Variants in INPP4B observed in about 807,000 individuals in gnomAD.
INPP4B encodes inositol polyphosphate 4-phosphatase type II.
A neutral mutation model predicts 122.5 loss-of-function variants in INPP4B; 55 were observed. The ratio of observed to expected loss-of-function variants is 0.45; its 90% CI spans 0.36 to 0.56. The LOEUF (loss-of-function observed/expected upper bound fraction) is 0.56. Ranked by LOEUF, INPP4B falls within the 20% of genes least tolerant of loss-of-function variation. The probability of loss-of-function intolerance (pLI) is 0.00; values close to 1 mark genes in which losing one functional copy is unlikely to be tolerated. For synonymous variants in INPP4B, 403 were observed against 388.7 expected (o/e 1.04, Z -0.43); for missense variants, 1,000 against 1,097.7 (o/e 0.91, Z 1.26).
At chr4:142,667,719 G>A (rs1455098037) in intron 2 of INPP4B, among the ~76,000 whole-genome samples, 1 of 152,154 alleles carries the variant, frequency 6.6e-6, no homozygotes, top group African/African-American at 2.4e-5. Flanking sequence ...AGGCTATTGA[G>A]ATAATGAAGA....
intron 18 of INPP4B, among the ~76,000 whole-genome samples, chr4:142,143,759 T>C (rs1293268559): frequency 6.6e-6 from 1 of 152,094 alleles, no homozygotes; most frequent in African/African-American, 2.4e-5. Flanking sequence ...AAGATGCTTA[T>C]ATGTTAATTA....
intron 3 of INPP4B, among the ~76,000 whole-genome samples, chr4:142,459,260 C>T (rs1222915532): frequency 8.9e-6 from 1 of 112,914 alleles, no homozygotes; most frequent in Non-Finnish European, 1.8e-5. Flanking sequence ...AGATACGGAT[C>T]AAAGGACAGT....
intron 11 of INPP4B, among the ~76,000 whole-genome samples, chr4:142,245,376 T>G (rs976553793): frequency 5.3e-5 from 8 of 152,194 alleles, no homozygotes; most frequent in African/African-American, 1.9e-4. Flanking sequence ...TAATCCATCT[T>G]GAGTTAACTT....
chr4:142,251,081 A>G (rs547285956), intron 11 of INPP4B, among the ~76,000 whole-genome samples: 1 of 152,248 alleles, frequency 6.6e-6, no homozygotes, highest in South Asian at 2.1e-4. Flanking sequence ...GTAAAGATCT[A>G]TTTTTCAATA....
chr4:142,687,484 G>T (rs1054184755), intron 2 of INPP4B, among the ~76,000 whole-genome samples: 2 of 150,414 alleles, frequency 1.3e-5, no homozygotes, highest in African/African-American at 4.9e-5. Context: ...TAAACTTTCT[G>T]GGATTCAAAG....
At chr4:142,644,740 T>TACAAA (rs769221727) in intron 2 of INPP4B, among the ~76,000 whole-genome samples, 1 of 71,046 alleles carries the variant, frequency 1.4e-5, no homozygotes, top group Admixed American at 1.7e-4. Flanking sequence ...CATCTCTACT[T>TACAAA]AAAAAAAAAA....
chr4:142,706,329 G>A (rs770026811), intron 2 of INPP4B, among the ~76,000 whole-genome samples: 20 of 152,062 alleles, frequency 1.3e-4, no homozygotes, highest in East Asian at 3.9e-4. Context: ...AGAGAGTGGC[G>A]GATATGTATG....
intron 25 of INPP4B, among the ~76,000 whole-genome samples, chr4:142,040,838 T>C (rs2667090): frequency 0.1 from 15,905 of 152,246 alleles, 1,526 homozygotes; most frequent in African/African-American, 0.26. Context: ...CATGTTTCAC[T>C]GCTCTAGTTT....
At chr4:142,161,438 C>T (rs556854319) in intron 16 of INPP4B, among the ~76,000 whole-genome samples, 65 of 152,026 alleles carry the variant, frequency 4.3e-4, no homozygotes, top group African/African-American at 1.4e-3. Context: ...CAAGTAATGG[C>T]CCATATTGTT....
At chr4:142,707,001 T>G (rs1762552526) in intron 2 of INPP4B, among the ~76,000 whole-genome samples, 1 of 152,230 alleles carries the variant, frequency 6.6e-6, no homozygotes, top group African/African-American at 2.4e-5. Context: ...CAATTCATAA[T>G]CTTAACTTTA....
chr4:142,544,192 T>A (rs1829288170), intron 2 of INPP4B, among the ~76,000 whole-genome samples: 1 of 147,492 alleles, frequency 6.8e-6, no homozygotes, highest in African/African-American at 2.5e-5. Context: ...GACTTCTTCC[T>A]GTAAAGTCTA....
intron 7 of INPP4B, among the ~76,000 whole-genome samples, chr4:142,345,561 A>G (rs761811392): frequency 6.6e-6 from 1 of 152,044 alleles, no homozygotes; most frequent in Non-Finnish European, 1.5e-5. Context: ...AATAGTACAC[A>G]TGGACACAAG....
At chr4:142,433,022 T>C (rs574085420) in intron 3 of INPP4B, among the ~76,000 whole-genome samples, 2 of 152,264 alleles carry the variant, frequency 1.3e-5, no homozygotes, top group South Asian at 2.1e-4. Context: ...GCAAAACTAA[T>C]TCGCTAAGTG....
intron 1 of INPP4B, among the ~76,000 whole-genome samples, chr4:142,842,399 T>G (rs1783600075): frequency 6.6e-6 from 1 of 150,760 alleles, no homozygotes; most frequent in Non-Finnish European, 1.5e-5. Flanking sequence ...GAAAAAAATC[T>G]AAAGTTCTGG....
At chr4:142,340,379 A>G (rs940489218) in intron 7 of INPP4B, among the ~76,000 whole-genome samples, 4 of 148,972 alleles carry the variant, frequency 2.7e-5, no homozygotes, top group African/African-American at 4.9e-5. Flanking sequence ...AAAAAACATG[A>G]TGCCATATAA....
intron 1 of INPP4B, among the ~76,000 whole-genome samples, chr4:142,729,873 T>G (rs567982289): frequency 6.6e-6 from 1 of 152,102 alleles, no homozygotes; most frequent in Non-Finnish European, 1.5e-5. Context: ...CCCTGAAAAA[T>G]AGATGAATCC....
At chr4:142,667,604 G>T (rs1471241024) in intron 2 of INPP4B, among the ~76,000 whole-genome samples, 1 of 152,140 alleles carries the variant, frequency 6.6e-6, no homozygotes, top group Non-Finnish European at 1.5e-5. Context: ...TCTCTAGGGG[G>T]TTATTTTGAG....
chr4:142,272,231 G>A (rs1317598948), intron 9 of INPP4B, among the ~76,000 whole-genome samples: 1 of 151,868 alleles, frequency 6.6e-6, no homozygotes, highest in East Asian at 1.9e-4. Context: ...ATTTCTATGA[G>A]TAGTTTACCA....
At chr4:142,522,436 T>C (rs777532407) in intron 2 of INPP4B, among the ~76,000 whole-genome samples, 3 of 148,426 alleles carry the variant, frequency 2.0e-5, no homozygotes, top group Admixed American at 6.9e-5. Flanking sequence ...CAGCTTTGAA[T>C]TGGCCTCAAG....
Sources: allele counts gnomAD v4.1 joint callset (sites outside exome capture counted in the v4.1 genomes callset), GRCh38; gene constraint gnomAD v4.1.1; transcripts MANE v1.5; gene names NCBI Gene and HGNC (gene_info 2026-07-23, HGNC 2026-07-21).